Variants in ANKRD44 observed in about 807,000 individuals in gnomAD.
The protein encoded by ANKRD44 is ankyrin repeat domain 44.
ANKRD44 carries 35 observed loss-of-function variants against 116.0 expected under a neutral mutation model. That is an observed-to-expected ratio of 0.30 (90% CI 0.23 to 0.40). The LOEUF (loss-of-function observed/expected upper bound fraction) is 0.40, where lower values mean the gene tolerates loss of function less well. Among genes scored for constraint, ANKRD44 ranks in the 10% least tolerant of loss-of-function variants. The pLI is 1.00. For missense variants in ANKRD44, 1,014 were observed against 1,242.6 expected (o/e 0.82, Z 2.77); for synonymous variants, 435 against 461.8 (o/e 0.94, Z 0.74).
intron 15 of ANKRD44, among the ~76,000 whole-genome samples, chr2:197,080,347 G>A (rs1057415252): frequency 1.3e-5 from 2 of 152,176 alleles, no homozygotes; most frequent in African/African-American, 4.8e-5. Flanking sequence ...CCAGAGCCTA[G>A]TAATTTTGGC....
chr2:197,037,856 C>T (rs866811792), intron 16 of ANKRD44, among the ~76,000 whole-genome samples: 2 of 151,994 alleles, frequency 1.3e-5, no homozygotes, highest in African/African-American at 4.8e-5. Context: ...GTGGGAGGGT[C>T]GCTTGAGCCC....
At chr2:197,090,466 C>T (rs1220766987) in intron 10 of ANKRD44, among the ~76,000 whole-genome samples, 1 of 151,432 alleles carries the variant, frequency 6.6e-6, no homozygotes, top group Non-Finnish European at 1.5e-5. Context: ...TGAAAAGCAA[C>T]CTGTTTCCTT....
chr2:197,216,757 A>C (rs2081453579), intron 1 of ANKRD44, among the ~76,000 whole-genome samples: 1 of 152,048 alleles, frequency 6.6e-6, no homozygotes, highest in Non-Finnish European at 1.5e-5. Context: ...TTTCCAGCAG[A>C]AAAACATTTC....
At chr2:197,022,606 C>T (rs902860048) in intron 17 of ANKRD44, among the ~76,000 whole-genome samples, 3 of 152,302 alleles carry the variant, frequency 2.0e-5, no homozygotes, top group East Asian at 3.9e-4. Flanking sequence ...ATGAGTTCCC[C>T]CAGGGACTTT....
chr2:197,169,595 C>T (rs997000018), intron 2 of ANKRD44, among the ~76,000 whole-genome samples: 2 of 152,168 alleles, frequency 1.3e-5, no homozygotes, highest in Non-Finnish European at 2.9e-5. Context: ...CTGTTTTCCT[C>T]CCAGTTGACC....
At chr2:197,024,913 G>A (rs1056307540) in intron 17 of ANKRD44, among the ~76,000 whole-genome samples, 2 of 152,218 alleles carry the variant, frequency 1.3e-5, no homozygotes, top group African/African-American at 4.8e-5. Flanking sequence ...AAGAATAAAG[G>A]TTAAGGGCTT....
intron 2 of ANKRD44, among the ~76,000 whole-genome samples, chr2:197,161,140 A>C (rs2079950222): frequency 6.6e-6 from 1 of 152,140 alleles, no homozygotes; most frequent in South Asian, 2.1e-4. Flanking sequence ...GTGAGGCTAG[A>C]CCTCAAAATG....
chr2:197,059,572 G>A (rs1408646594), intron 16 of ANKRD44, among the ~76,000 whole-genome samples: 1 of 152,162 alleles, frequency 6.6e-6, no homozygotes, highest in Non-Finnish European at 1.5e-5. Context: ...ACAGATTCAA[G>A]TAAGTAGGTA....
intron 13 of ANKRD44, 28 bp from the exon 14 acceptor site, chr2:197,083,537 C>T (rs1396528204): frequency 1.2e-6 from 2 of 1,603,000 alleles, no homozygotes; most frequent in Non-Finnish European, 1.7e-6. Context: ...ATTTATTACT[C>T]CATTCAGTCT....
chr2:197,017,151 A>T (rs2076407874), intron 17 of ANKRD44, among the ~76,000 whole-genome samples: 1 of 152,232 alleles, frequency 6.6e-6, no homozygotes, highest in South Asian at 2.1e-4. Context: ...TTGGTGTGAC[A>T]TTTGTCGAGG....
intron 8 of ANKRD44, among the ~76,000 whole-genome samples, chr2:197,118,633 G>GAAAGAAAGAAAGAAAGAA (rs767547012): frequency 5.1e-4 from 25 of 48,766 alleles, no homozygotes; most frequent in African/African-American, 1.3e-3. Context: ...GAGAGAGAGA[G>GAAAGAAAGAAAGAAAGAA]AGAGAGAAAG....
intron 18 of ANKRD44, among the ~76,000 whole-genome samples, chr2:197,009,250 C>A (rs1040500274): frequency 6.6e-6 from 1 of 152,014 alleles, no homozygotes; most frequent in Non-Finnish European, 1.5e-5. Flanking sequence ...CACCACCATG[C>A]CTGGCTAATT....
intron 1 of ANKRD44, among the ~76,000 whole-genome samples, chr2:197,304,957 T>C (rs2084024062): frequency 6.6e-6 from 1 of 152,236 alleles, no homozygotes; most frequent in South Asian, 2.1e-4. Context: ...TAGTTTACTG[T>C]CACTGTCAAG....
chr2:197,239,906 A>G (rs1386747359), intron 1 of ANKRD44, among the ~76,000 whole-genome samples: 1 of 152,164 alleles, frequency 6.6e-6, no homozygotes, highest in Non-Finnish European at 1.5e-5. Context: ...CTTCTTCTCA[A>G]ATGTCTTCAA....
intron 9 of ANKRD44, among the ~76,000 whole-genome samples, chr2:197,106,291 A>C (rs2078425390): frequency 6.6e-6 from 1 of 152,034 alleles, no homozygotes; most frequent in African/African-American, 2.4e-5. Flanking sequence ...AAAATACAAA[A>C]ATTAGCCAGG....
chr2:197,274,008 T>G lies in ANKRD44; in HGVS notation c.27+36570A>C, dbSNP rs13384814. On this transcript the variant is annotated intron_variant, in intron 1 of 27. Coordinates refer to ENST00000282272, the MANE Select transcript of ANKRD44 (RefSeq NM_001195144.2). Reference sequence around the variant, plus strand: ...ATATATATATATATATATATATATATATATATATATATATATATATGAATC... The same window carrying G: ...ATATATATATATATATATATATATAGATATATATATATATATATATGAATC... Among the ~76,000 whole-genome samples the G allele has an allele frequency of 6.1e-4, 39 of 64,196 alleles. 2 individuals carry two copies. Among genetic ancestry groups the G allele is most frequent in the African/African-American group, 2.2e-3 (31 of 14,034 alleles). 42.1% of individuals were successfully genotyped at this position (64,196 alleles called of 152,430 possible). A position where few individuals can be genotyped will look rare whatever the true frequency, so the allele number is the denominator to read the frequency against.
In ANKRD44 at chr2:197,269,167, A is replaced by G. The variant is rs571637588; in HGVS notation, c.27+41411T>C. 3.3e-5 allele frequency among the ~76,000 whole-genome samples: 5 copies of G among 152,326 alleles called. No individual in the cohort carries two copies. In the East Asian group the frequency reaches 9.6e-4, roughly 29 times the overall value. ...ATTAAATGTGCTCTCTTCCACATGTATAGTATGCTTCAAAAAAGTTTTTTA... is the reference window on the plus strand; with the variant it reads ...ATTAAATGTGCTCTCTTCCACATGTGTAGTATGCTTCAAAAAAGTTTTTTA... On this transcript the variant is annotated intron_variant, in intron 1 of 27. Transcript: ENST00000282272.
At chr2:197,141,196 G>A (rs539912115) in intron 3 of ANKRD44, among the ~76,000 whole-genome samples, 2 of 152,184 alleles carry the variant, frequency 1.3e-5, no homozygotes, top group Admixed American at 6.5e-5. Context: ...CAGCCTGGGC[G>A]ACAGAGCAAG....
chr2:197,038,796 C>A (rs1382978240), intron 16 of ANKRD44, among the ~76,000 whole-genome samples: 1 of 152,086 alleles, frequency 6.6e-6, no homozygotes. Flanking sequence ...CAAAATAAAG[C>A]CACTATTATT....
Sources: allele counts gnomAD v4.1 joint callset (sites outside exome capture counted in the v4.1 genomes callset), GRCh38; gene constraint gnomAD v4.1.1; transcripts MANE v1.5; gene names NCBI Gene and HGNC (gene_info 2026-07-23, HGNC 2026-07-21).